Variants in VPS50 observed in about 807,000 individuals in gnomAD.
VPS50 encodes VPS50 subunit of EARP/GARPII complex.
Under a neutral mutation model 139.7 loss-of-function variants are expected in VPS50, and 70 were observed. The ratio of observed to expected loss-of-function variants is 0.50; its 90% CI spans 0.41 to 0.61. The LOEUF is 0.61. VPS50 is among the 20% of genes least tolerant of loss of function. The probability of loss-of-function intolerance (pLI) is 0.00; values close to 1 mark genes in which losing one functional copy is unlikely to be tolerated. For synonymous variants in VPS50, 365 were observed against 376.7 expected (o/e 0.97, Z 0.36); for missense variants, 921 against 1,133.7 (o/e 0.81, Z 2.69).
Position 93,305,853 on chromosome 7 carries a change from G to A in VPS50, c.1478G>A (p.Arg493His), listed in dbSNP as rs146809545. The A allele has an allele frequency of 1.3e-4, 217 of 1,612,192 alleles. 2 individuals are homozygous for A. Among genetic ancestry groups the A allele is most frequent in the East Asian group, 1.2e-3 (53 of 44,812 alleles). The change falls in exon 18 of 28, where the codon CGC (arginine) becomes CAC (histidine). Residue 493 changes from arginine to histidine, a missense_variant. By Grantham distance (29) the Arg-to-His change is conservative (BLOSUM62 0). Coordinates refer to ENST00000305866, the MANE Select transcript of VPS50 (RefSeq NM_017667.4). ...LHEFKFMEQS[R>H]SPSVSPSKQP... is the part of the protein sequence containing the mutation. ...GAATTTAAATTCATGGAACAGTCTC[G>A]CTCCCCATCAGTTTCACCTAGTAAA... is the stretch of plus-strand genomic sequence containing the variant.
chr7:93,263,538 T>C (rs1795750435), intron 9 of VPS50, among the ~76,000 whole-genome samples: 1 of 152,222 alleles, frequency 6.6e-6, no homozygotes, highest in Non-Finnish European at 1.5e-5. Flanking sequence ...CTCTTTTCTT[T>C]CCTAGTCACA....
chr7:93,259,071 T>C (rs1230644016), intron 8 of VPS50, among the ~76,000 whole-genome samples: 1 of 152,074 alleles, frequency 6.6e-6, no homozygotes, highest in Non-Finnish European at 1.5e-5. Context: ...TGTTAGGTGA[T>C]AAAAATACTC....
At chr7:93,338,426 C>T (rs935844830) in intron 22 of VPS50, among the ~76,000 whole-genome samples, 2 of 152,078 alleles carry the variant, frequency 1.3e-5, no homozygotes, top group Non-Finnish European at 2.9e-5. Flanking sequence ...GAGAAGATCC[C>T]TCTGGAAAGG....
At chr7:93,263,482 AC>A (rs950672113) in intron 9 of VPS50, among the ~76,000 whole-genome samples, 1 of 152,150 alleles carries the variant, frequency 6.6e-6, no homozygotes, top group Non-Finnish European at 1.5e-5. Flanking sequence ...TGCACAGTAT[AC>A]CTACTTGTCT....
chr7:93,273,527 G>A (rs932557687), intron 11 of VPS50: 1 of 151,862 alleles, frequency 6.6e-6, no homozygotes, highest in African/African-American at 2.4e-5. Flanking sequence ...CTATACCCAA[G>A]AAAAAAATCT....
chr7:93,283,586 C>A (rs966173521), intron 12 of VPS50, among the ~76,000 whole-genome samples: 3 of 152,102 alleles, frequency 2.0e-5, no homozygotes, highest in Non-Finnish European at 4.4e-5. Flanking sequence ...GTCATCAGTT[C>A]AGATCAGCAA....
chr7:93,257,471 CT>C lies in VPS50; in HGVS notation c.422+11del, dbSNP rs1336515212. On this transcript the variant is annotated splice_region_variant and intron_variant, in intron 6 of 27. Coordinates refer to ENST00000305866, the MANE Select transcript of VPS50 (RefSeq NM_017667.4). ...TCTGTACAAATGGGAGAAGGTATTG[CT>C]TTTGATGATATTTTGTTCTTTAAGC... 4 of 1,537,738 alleles carry C rather than the reference CT, an allele frequency of 2.6e-6. No homozygotes were observed. The highest frequency in any genetic ancestry group is 3.6e-6 in the Non-Finnish European group (4 of 1,117,714).
At chr7:93,250,846 A>G (rs911534732) in intron 2 of VPS50, among the ~76,000 whole-genome samples, 5 of 152,216 alleles carry the variant, frequency 3.3e-5, no homozygotes, top group Non-Finnish European at 7.3e-5. Context: ...ACAAATTTAC[A>G]AGAAAAAAAC....
At chr7:93,246,886 A>G (rs902905739) in intron 2 of VPS50, among the ~76,000 whole-genome samples, 1 of 151,924 alleles carries the variant, frequency 6.6e-6, no homozygotes, top group Non-Finnish European at 1.5e-5. Flanking sequence ...ATAATACCTT[A>G]CATTTGAGGG....
chr7:93,242,405 A>G (rs993436820), intron 2 of VPS50, among the ~76,000 whole-genome samples: 2 of 151,932 alleles, frequency 1.3e-5, no homozygotes, highest in Non-Finnish European at 2.9e-5. Context: ...TAATGGTATT[A>G]TAAGTTATAC....
intron 12 of VPS50, among the ~76,000 whole-genome samples, chr7:93,277,977 A>G (rs1297321249): frequency 1.3e-5 from 2 of 151,980 alleles, no homozygotes; most frequent in South Asian, 2.1e-4. Context: ...TATGTTAGCA[A>G]TTTTTTTCTA....
chr7:93,341,389 A>T (rs758136977), intron 22 of VPS50, 38 bp from the exon 23 acceptor site: 1 of 1,486,558 alleles, frequency 6.7e-7, no homozygotes, highest in Non-Finnish European at 9.1e-7. Flanking sequence ...TTACTGTTAG[A>T]TTTGTTATTC....
At chr7:93,293,471 T>C (rs1369324269) in intron 13 of VPS50, among the ~76,000 whole-genome samples, 1 of 152,160 alleles carries the variant, frequency 6.6e-6, no homozygotes, top group Non-Finnish European at 1.5e-5. Flanking sequence ...GCCTAATCTG[T>C]ATATTTTATG....
intron 1 of VPS50, 103 bp downstream of exon 1, chr7:93,232,603 G>A: frequency 9.8e-7 from 1 of 1,020,750 alleles, no homozygotes; most frequent in East Asian, 2.4e-5. Context: ...TAAGTTATGG[G>A]TGGTGGCAGG....
At chr7:93,258,729 T>G (rs1436178479) in intron 8 of VPS50, among the ~76,000 whole-genome samples, 1 of 152,080 alleles carries the variant, frequency 6.6e-6, no homozygotes, top group African/African-American at 2.4e-5. Context: ...GATACTTTAG[T>G]TTTGTTCAGT....
chr7:93,241,555 G>A (rs1057465600), intron 2 of VPS50, among the ~76,000 whole-genome samples: 2 of 152,180 alleles, frequency 1.3e-5, no homozygotes, highest in African/African-American at 2.4e-5. Flanking sequence ...TCATCTGCCT[G>A]TTTGTTTTTT....
chr7:93,247,037 A>G (rs1200451487), intron 2 of VPS50, among the ~76,000 whole-genome samples: 1 of 152,052 alleles, frequency 6.6e-6, no homozygotes, highest in African/African-American at 2.4e-5. Context: ...TCATAAAGTT[A>G]TATTTCTGAT....
At chr7:93,264,100 A>G (rs1318489902) in intron 9 of VPS50, among the ~76,000 whole-genome samples, 1 of 152,192 alleles carries the variant, frequency 6.6e-6, no homozygotes, top group East Asian at 1.9e-4. Context: ...AATCCCCCAC[A>G]TAGACTGAGG....
intron 24 of VPS50, among the ~76,000 whole-genome samples, chr7:93,349,155 A>T (rs6952150): frequency 2.6e-5 from 4 of 151,804 alleles, no homozygotes; most frequent in African/African-American, 4.8e-5. Context: ...ATCTAGAGGA[A>T]GTAATGTTTA....
Sources: gnomAD v4.1 joint callset for allele counts (sites outside exome capture counted in the v4.1 genomes callset) on GRCh38, gnomAD v4.1.1 for gene constraint, MANE v1.5 for transcripts, NCBI Gene and HGNC (gene_info 2026-07-23, HGNC 2026-07-21) for gene names.